DPF3: variants seen among roughly 807,000 people sequenced by gnomAD.
DPF3 encodes zinc finger protein DPF3.
A neutral mutation model predicts 56.8 loss-of-function variants in DPF3; 18 were observed. The observed-to-expected ratio is 0.32, with a 90% CI of 0.22 to 0.47. The LOEUF (loss-of-function observed/expected upper bound fraction) is 0.47, where lower values mean the gene tolerates loss of function less well. DPF3 is among the 20% of genes least tolerant of loss of function. DPF3 has a pLI of 1.00. For synonymous variants in DPF3, 188 were observed against 180.2 expected, an observed-to-expected ratio of 1.04 and a Z score of -0.35; for missense variants, 403 against 488.8, an observed-to-expected ratio of 0.82 and a Z score of 1.65.
Position 72,624,561 on chromosome 14 carries a change from G to A in DPF3, c.985-4577C>T, listed in dbSNP as rs141035685. On this transcript the variant is annotated intron_variant, in intron 9 of 10. Coordinates refer to ENST00000556509, the MANE Select transcript of DPF3 (RefSeq NM_001280542.3). ...ACCAAGTTGGCCAGGCTGTTCTCCA[G>A]CGCCTGACCTCAGGTAATCCGCCCG... Among the ~76,000 whole-genome samples, 1,032 of 152,104 alleles carry A rather than the reference G, an allele frequency of 6.8e-3. 13 individuals are homozygous for A. Among genetic ancestry groups the A allele is most frequent in the African/African-American group, 0.024 (983 of 41,500 alleles).
chr14:72,670,915 T>C (rs1886643019), intron 8 of DPF3: 1 of 1,298,554 alleles, frequency 7.7e-7, no homozygotes, highest in Non-Finnish European at 9.8e-7. Context: ...CTCATTCTGC[T>C]GTTTTGTTTT....
intron 1 of DPF3, among the ~76,000 whole-genome samples, chr14:72,876,405 C>T (rs976015291): frequency 1.3e-5 from 2 of 152,190 alleles, no homozygotes; most frequent in Non-Finnish European, 2.9e-5. Flanking sequence ...CCACCCCACC[C>T]TCCCCCTGGA....
intron 9 of DPF3, among the ~76,000 whole-genome samples, chr14:72,623,065 T>C (rs1189511596): frequency 3.3e-5 from 5 of 152,202 alleles, no homozygotes; most frequent in Non-Finnish European, 7.3e-5. Context: ...ACAAGCAAGA[T>C]GGAGAAAACA....
At chr14:72,815,712 A>T (rs1469171960) in intron 1 of DPF3, among the ~76,000 whole-genome samples, 1 of 152,220 alleles carries the variant, frequency 6.6e-6, no homozygotes, top group Non-Finnish European at 1.5e-5. Context: ...AAATTACTAC[A>T]AACTCAGTAG....
intron 4 of DPF3, 102 bp downstream of exon 4, chr14:72,731,705 C>CG: frequency 3.3e-6 from 5 of 1,498,088 alleles, no homozygotes; most frequent in Non-Finnish European, 4.5e-6. Context: ...GACTGAGCCC[C>CG]GGCCCTTGAG....
rs375498304 is a variant in DPF3 at position 72,824,551 on chromosome 14, CT to C, written c.33-52659del. On this transcript the variant is annotated intron_variant, in intron 1 of 10. Coordinates refer to ENST00000556509, the MANE Select transcript of DPF3 (RefSeq NM_001280542.3). ...CTTTTTCCATTTACGTTTTCTTTTT[CT>C]TTTTTTTTTTTTGTTTGTTTGTTTG... Among the ~76,000 whole-genome samples the C allele has an allele frequency of 7.0e-3, 1,007 of 143,138 alleles. 9 individuals are homozygous for C. Among genetic ancestry groups the C allele is most frequent in the African/African-American group, 0.02 (772 of 38,928 alleles). 93.9% of individuals were successfully genotyped at this position (143,138 alleles called of 152,430 possible).
intron 7 of DPF3, among the ~76,000 whole-genome samples, chr14:72,688,214 G>A (rs983625841): frequency 6.3e-5 from 8 of 126,642 alleles, no homozygotes; most frequent in Non-Finnish European, 1.4e-4. Flanking sequence ...GGGTGTGTGG[G>A]TGGATGGATG....
chr14:72,850,795 G>C lies in DPF3; in HGVS notation c.32+43262C>G, dbSNP rs78814754. Among the ~76,000 whole-genome samples, 605 of 136,888 alleles carry C rather than the reference G, an allele frequency of 4.4e-3. 5 individuals carry two copies. The highest frequency in any genetic ancestry group is 0.04 in the East Asian group (138 of 3,476). The allele number at this position is 136,888 out of a possible 152,430, so 89.8% of individuals were successfully genotyped here. On this transcript the variant is annotated intron_variant, in intron 1 of 10. Coordinates refer to ENST00000556509, the MANE Select transcript of DPF3 (RefSeq NM_001280542.3). ...GGACCTAAATACTGGTGGGGCGTGT[G>C]TGCATGTGTGCATGTGTGTGTGTGT...
At chr14:72,646,919 GT>G (rs1885744058) in intron 8 of DPF3, among the ~76,000 whole-genome samples, 1 of 152,238 alleles carries the variant, frequency 6.6e-6, no homozygotes, top group South Asian at 2.1e-4. Context: ...GAATCTGCCT[GT>G]TTAGCTAGTG....
intron 2 of DPF3, among the ~76,000 whole-genome samples, chr14:72,759,982 T>G (rs1161324362): frequency 6.6e-6 from 1 of 152,036 alleles, no homozygotes; most frequent in Non-Finnish European, 1.5e-5. Flanking sequence ...GCTGAAATAA[T>G]TCATCATCAA....
intron 1 of DPF3, among the ~76,000 whole-genome samples, chr14:72,855,662 G>A (rs1456693277): frequency 6.6e-6 from 1 of 151,924 alleles, no homozygotes; most frequent in Non-Finnish European, 1.5e-5. Flanking sequence ...GTTTTATAGG[G>A]AGCCTTTTAA....
At chr14:72,826,936 G>A (rs1883830073) in intron 1 of DPF3, among the ~76,000 whole-genome samples, 1 of 152,096 alleles carries the variant, frequency 6.6e-6, no homozygotes, top group South Asian at 2.1e-4. Context: ...CAGCTACTCG[G>A]GAGGCTGAGG....
chr14:72,825,266 TTC>T (rs1883745022), intron 1 of DPF3, among the ~76,000 whole-genome samples: 1 of 152,204 alleles, frequency 6.6e-6, no homozygotes, highest in Non-Finnish European at 1.5e-5. Context: ...TTATACATCT[TTC>T]TGACCCCATC....
At chr14:72,747,127 C>T in intron 3 of DPF3, among the ~76,000 whole-genome samples, 1 of 152,164 alleles carries the variant, frequency 6.6e-6, no homozygotes, top group East Asian at 1.9e-4. Context: ...TTGGCTCTGT[C>T]CACAGTCTGA....
intron 6 of DPF3, among the ~76,000 whole-genome samples, chr14:72,709,277 C>T (rs970126787): frequency 2.6e-5 from 4 of 152,166 alleles, no homozygotes; most frequent in African/African-American, 9.7e-5. Flanking sequence ...AGGGCCCGCT[C>T]CTGGTGTGTG....
At chr14:72,664,454 A>T (rs1886360539) in intron 8 of DPF3, among the ~76,000 whole-genome samples, 1 of 152,074 alleles carries the variant, frequency 6.6e-6, no homozygotes, top group Non-Finnish European at 1.5e-5. Flanking sequence ...GGTCAGGTCA[A>T]CTGCAGGCCA....
intron 9 of DPF3, among the ~76,000 whole-genome samples, chr14:72,624,333 CTTTTTTT>C (rs55820708): frequency 1.0e-5 from 1 of 97,796 alleles, no homozygotes; most frequent in African/African-American, 3.9e-5. Flanking sequence ...ACCTATGTCT[CTTTTTTT>C]TTTTTTTTTT....
At chr14:72,671,384 C>G (rs1886668552) in intron 8 of DPF3, 3 of 1,604,420 alleles carry the variant, frequency 1.9e-6, no homozygotes, top group African/African-American at 1.3e-5. Flanking sequence ...AAGCAACAGA[C>G]AGCATTATTA....
chr14:72,801,144 G>A (rs532354435), intron 1 of DPF3, among the ~76,000 whole-genome samples: 8 of 152,298 alleles, frequency 5.3e-5, no homozygotes, highest in Middle Eastern at 3.4e-3. Flanking sequence ...AGGCAGTCTC[G>A]CTCAATCCCC....
Sources: gnomAD v4.1 joint callset for allele counts (sites outside exome capture counted in the v4.1 genomes callset) on GRCh38, gnomAD v4.1.1 for gene constraint, MANE v1.5 for transcripts, NCBI Gene and HGNC (gene_info 2026-07-23, HGNC 2026-07-21) for gene names.